The following CYFIP2 variants were observed in gnomAD, a reference collection of about 807,000 sequenced individuals.
CYFIP2 encodes cytoplasmic FMR1-interacting protein 2.
CYFIP2 carries 29 observed loss-of-function variants against 158.7 expected under a neutral mutation model. The observed-to-expected ratio is 0.18, with a 90% CI of 0.14 to 0.25. The LOEUF (loss-of-function observed/expected upper bound fraction) is 0.25. CYFIP2 is among the 10% of genes least tolerant of loss of function. CYFIP2 has a pLI of 1.00. For missense variants in CYFIP2, 852 were observed against 1,639.5 expected (o/e 0.52, Z 8.29); for synonymous variants, 585 against 617.6 (o/e 0.95, Z 0.78).
chr5:157,365,871 C>T (rs745915340), intron 26 of CYFIP2, among the ~76,000 whole-genome samples: 12 of 151,750 alleles, frequency 7.9e-5, no homozygotes, highest in Non-Finnish European at 1.3e-4. Context: ...CTAGTATTCT[C>T]ATTGCATGAA....
intron 5 of CYFIP2, among the ~76,000 whole-genome samples, chr5:157,298,918 T>C (rs1758477447): frequency 6.6e-6 from 1 of 152,260 alleles, no homozygotes; most frequent in Non-Finnish European, 1.5e-5. Flanking sequence ...TTTTTAGGAC[T>C]GAATACCATT....
At chr5:157,373,654 T>A (rs1765200031) in intron 26 of CYFIP2, among the ~76,000 whole-genome samples, 1 of 152,208 alleles carries the variant, frequency 6.6e-6, no homozygotes, top group African/African-American at 2.4e-5. Flanking sequence ...AGAAGCTTTG[T>A]ACTGCACATG....
At chr5:157,312,619 C>T (rs1302624623) in intron 11 of CYFIP2, among the ~76,000 whole-genome samples, 1 of 152,222 alleles carries the variant, frequency 6.6e-6, no homozygotes, top group East Asian at 1.9e-4. Context: ...GGCTAACAGC[C>T]ATGGTGACTG....
At position 157,328,021 on chromosome 5, in the gene CYFIP2, T is replaced by G. The variant is rs751489126; in HGVS notation, c.2128T>G (p.Phe710Val). The G allele has an allele frequency of 6.2e-7, 1 of 1,613,982 alleles. No homozygotes were observed. Among genetic ancestry groups the G allele is most frequent in the South Asian group, 1.1e-5 (1 of 91,082 alleles). ...TGTCTACAAGCTGGCAGACCAGATC[T>G]TTGCTTACTACAAAGCCATGGCTGG... is the stretch of plus-strand genomic sequence containing the variant. The part of the protein sequence containing the change: ...QFVYKLADQI[F>V]AYYKAMAGSV... Residue 710 changes from phenylalanine (F) to valine (V), a missense_variant, in exon 19 of 31, where the codon TTT becomes GTT. This residue lies in a region of CYFIP2 where 191 missense variants were observed against 311.2 expected (regional missense o/e 0.61). Coordinates refer to ENST00000620254, the MANE Select transcript of CYFIP2 (RefSeq NM_001037333.3).
chr5:157,340,484 G>T (rs1457460859), intron 22 of CYFIP2, among the ~76,000 whole-genome samples: 1 of 152,220 alleles, frequency 6.6e-6, no homozygotes, highest in African/African-American at 2.4e-5. Context: ...AAGCCCATGA[G>T]CTGAGAATAG....
At chr5:157,379,560 A>G (rs1020246495) in intron 26 of CYFIP2, among the ~76,000 whole-genome samples, 33 of 150,306 alleles carry the variant, frequency 2.2e-4, no homozygotes, top group African/African-American at 7.8e-4. Context: ...AGTCCCAGCT[A>G]TTCAGGAGGC....
In CYFIP2 at chr5:157,289,315, A is replaced by G. The variant is rs111292494; in HGVS notation, c.207+2207A>G. Among the ~76,000 whole-genome samples the G allele has an allele frequency of 2.7e-3, 409 of 152,346 alleles. 2 individuals are homozygous for G. The highest frequency in any genetic ancestry group is 9.5e-3 in the African/African-American group (397 of 41,576). Reference sequence around the variant, plus strand: ...GATTTTCGAGGAGTGACTGGTATGGACTGTAAAGTGCATATAGGGATATTG... The same window carrying G: ...GATTTTCGAGGAGTGACTGGTATGGGCTGTAAAGTGCATATAGGGATATTG... On this transcript the variant is annotated intron_variant, in intron 3 of 30. Coordinates refer to ENST00000620254, the MANE Select transcript of CYFIP2 (RefSeq NM_001037333.3).
chr5:157,279,717 G>A (rs1756846731), intron 1 of CYFIP2, among the ~76,000 whole-genome samples: 1 of 152,214 alleles, frequency 6.6e-6, no homozygotes, highest in South Asian at 2.1e-4. Flanking sequence ...TTTGGTAAAT[G>A]ATGCTCCCAG....
rs763631624 is a variant in CYFIP2 at position 157,296,737 on chromosome 5, C to T, written c.350C>T (p.Pro117Leu). 27 of 1,613,752 alleles carry T rather than the reference C, an allele frequency of 1.7e-5. No individual in the cohort carries two copies. Among genetic ancestry groups the T allele is most frequent in the South Asian group, 8.8e-5 (8 of 91,074 alleles). Residue 117 changes from proline (P) to leucine (L), a missense_variant, in exon 5 of 31, where the codon CCG (proline) becomes CTG (leucine). Physicochemically the swap from Pro to Leu is moderately conservative, Grantham distance 98. Coordinates refer to ENST00000620254, the MANE Select transcript of CYFIP2 (RefSeq NM_001037333.3). Reference protein sequence around the residue: ...IYEKTVEVLEPEVTKLMKFMY... With the variant: ...IYEKTVEVLELEVTKLMKFMY... ...GAGAAGACAGTAGAGGTGCTGGAGC[C>T]GGAGGTCACCAAGCTCATGAAGTTC...
chr5:157,280,953 G>T (rs1045042178), intron 1 of CYFIP2, among the ~76,000 whole-genome samples: 4 of 152,028 alleles, frequency 2.6e-5, no homozygotes, highest in African/African-American at 9.7e-5. Context: ...TTATTTGTAT[G>T]GTGGTTTGTT....
At chr5:157,300,941 C>T in intron 6 of CYFIP2, 45 bp downstream of exon 6, 1 of 1,467,744 alleles carries the variant, frequency 6.8e-7, no homozygotes. Flanking sequence ...CCAGGCCCCT[C>T]CTCCAGGGCT....
chr5:157,276,789 A>T (rs547502238), intron 1 of CYFIP2, among the ~76,000 whole-genome samples: 21 of 152,160 alleles, frequency 1.4e-4, no homozygotes, highest in Non-Finnish European at 2.5e-4. Context: ...TGGACATGGG[A>T]TGATTTTCAG....
chr5:157,305,913 CAT>C (rs1759178692), intron 8 of CYFIP2, among the ~76,000 whole-genome samples: 1 of 152,204 alleles, frequency 6.6e-6, no homozygotes, highest in Non-Finnish European at 1.5e-5. Context: ...CATTTTATCT[CAT>C]GTGACTAAAT....
intron 21 of CYFIP2, among the ~76,000 whole-genome samples, chr5:157,333,742 T>A (rs1761655171): frequency 6.6e-6 from 1 of 152,094 alleles, no homozygotes; most frequent in African/African-American, 2.4e-5. Flanking sequence ...AGGTGAGGGG[T>A]CCTAAGAAGC....
At chr5:157,358,952 C>T (rs1316454826) in intron 23 of CYFIP2, 53 bp from the exon 24 acceptor site, 2 of 1,607,680 alleles carry the variant, frequency 1.2e-6, no homozygotes, top group Non-Finnish European at 1.7e-6. Context: ...CAGGACTCCA[C>T]CAGTGTCCAT....
chr5:157,373,654 T>TAC (rs1765200712), intron 26 of CYFIP2, among the ~76,000 whole-genome samples: 1 of 152,208 alleles, frequency 6.6e-6, no homozygotes, highest in Non-Finnish European at 1.5e-5. Flanking sequence ...AGAAGCTTTG[T>TAC]ACTGCACATG....
At chr5:157,343,333 A>G in intron 23 of CYFIP2, 1 of 1,614,190 alleles carries the variant, frequency 6.2e-7, no homozygotes, top group African/African-American at 1.3e-5. Context: ...AGAGAGTGGA[A>G]GGGGCAAGAT....
intron 3 of CYFIP2, among the ~76,000 whole-genome samples, chr5:157,289,527 G>A (rs1465364601): frequency 1.3e-5 from 2 of 152,048 alleles, no homozygotes; most frequent in Admixed American, 6.5e-5. Context: ...TTTTTTCCTT[G>A]GCTCCCAGAT....
chr5:157,325,310 A>G lies in CYFIP2; in HGVS notation c.1826-172A>G, dbSNP rs543956628. Among the ~76,000 whole-genome samples the G allele has an allele frequency of 4.5e-3, 692 of 152,318 alleles. 5 individuals carry two copies. The highest frequency in any genetic ancestry group is 5.0e-3 in the Non-Finnish European group (343 of 68,012). On this transcript the variant is annotated intron_variant, in intron 16 of 30. Coordinates refer to ENST00000620254, the MANE Select transcript of CYFIP2 (RefSeq NM_001037333.3). ...CAAGCTTAACAAATGCTTGAGAGGC[A>G]GTAGATGTTAGGCTTGCCTTTAAGT...
Sources: allele counts gnomAD v4.1 joint callset (sites outside exome capture counted in the v4.1 genomes callset), GRCh38; gene constraint gnomAD v4.1.1; regional missense constraint gnomAD v4.1.1; transcripts MANE v1.5; gene names NCBI Gene and HGNC (gene_info 2026-07-23, HGNC 2026-07-21).